Variants in GPC5 observed in about 807,000 individuals in gnomAD.
The protein encoded by GPC5 is glypican-5.
A neutral mutation model predicts 53.9 loss-of-function variants in GPC5; 47 were observed. That is an observed-to-expected ratio of 0.87 (90% CI 0.69 to 1.11). The LOEUF is 1.11. Among genes scored for constraint, GPC5 ranks in the 50% most tolerant of loss-of-function variants. The pLI is 0.00. For missense variants in GPC5, 748 were observed against 713.1 expected (o/e 1.05, Z -0.56); for synonymous variants, 286 against 263.3 (o/e 1.09, Z -0.84).
intron 7 of GPC5, among the ~76,000 whole-genome samples, chr13:92,714,009 G>T (rs7990219): frequency 6.6e-6 from 1 of 152,116 alleles, no homozygotes. Flanking sequence ...AATGACTTCT[G>T]TCTTCCCAGT....
At chr13:91,650,541 CA>C (rs1487523845) in intron 2 of GPC5, among the ~76,000 whole-genome samples, 1 of 134,422 alleles carries the variant, frequency 7.4e-6, no homozygotes, top group African/African-American at 4.0e-5. Context: ...AAAATGAAAA[CA>C]AAACAAGATG....
intron 5 of GPC5, among the ~76,000 whole-genome samples, chr13:91,872,891 A>G (rs2039163004): frequency 6.6e-6 from 1 of 152,196 alleles, no homozygotes; most frequent in African/African-American, 2.4e-5. Context: ...AAGAACAAAG[A>G]AGGAAACTTA....
intron 6 of GPC5, among the ~76,000 whole-genome samples, chr13:92,120,474 G>A (rs1350974835): frequency 6.6e-6 from 1 of 151,978 alleles, no homozygotes; most frequent in Non-Finnish European, 1.5e-5. Flanking sequence ...TAGCCAAGCT[G>A]GTCTCAAACT....
intron 7 of GPC5, among the ~76,000 whole-genome samples, chr13:92,392,624 G>A (rs1449266361): frequency 6.6e-6 from 1 of 152,078 alleles, no homozygotes; most frequent in Non-Finnish European, 1.5e-5. Flanking sequence ...ACAACCTACA[G>A]AATAGGAGAA....
chr13:91,573,541 A>G (rs16946226), intron 2 of GPC5, among the ~76,000 whole-genome samples: 7,283 of 152,236 alleles, frequency 0.048, 564 homozygotes, highest in African/African-American at 0.16. Context: ...CACTATGTGA[A>G]ATGCCTCTTA....
intron 5 of GPC5, among the ~76,000 whole-genome samples, chr13:91,883,735 A>G (rs1341915777): frequency 6.6e-6 from 1 of 152,180 alleles, no homozygotes; most frequent in Non-Finnish European, 1.5e-5. Context: ...AAGGACTTTG[A>G]CTGTTCCTCA....
At chr13:92,608,885 G>A (rs1289151519) in intron 7 of GPC5, among the ~76,000 whole-genome samples, 1 of 152,148 alleles carries the variant, frequency 6.6e-6, no homozygotes, top group Non-Finnish European at 1.5e-5. Context: ...GGGCAACTGT[G>A]CTATTCTAAA....
At chr13:92,757,908 G>A (rs1214235899) in intron 7 of GPC5, among the ~76,000 whole-genome samples, 1 of 151,382 alleles carries the variant, frequency 6.6e-6, no homozygotes, top group Non-Finnish European at 1.5e-5. Flanking sequence ...TTCAACCATT[G>A]TGGAAGTCAG....
At chr13:92,557,003 T>C (rs1290537145) in intron 7 of GPC5, among the ~76,000 whole-genome samples, 1 of 151,936 alleles carries the variant, frequency 6.6e-6, no homozygotes, top group East Asian at 1.9e-4. Context: ...GGGAATGTTT[T>C]AATCTTTGCA....
chr13:92,463,271 G>C (rs2139412755), intron 7 of GPC5, among the ~76,000 whole-genome samples: 1 of 152,336 alleles, frequency 6.6e-6, no homozygotes, highest in South Asian at 2.1e-4. Context: ...CACTGGCTCT[G>C]ATGCAGTTTC....
chr13:91,939,973 C>A (rs1403754471), intron 6 of GPC5, among the ~76,000 whole-genome samples: 1 of 152,120 alleles, frequency 6.6e-6, no homozygotes, highest in Non-Finnish European at 1.5e-5. Flanking sequence ...TCTTTTAATG[C>A]TTACATGGCC....
At chr13:91,494,043 T>A (rs1884095159) in intron 2 of GPC5, among the ~76,000 whole-genome samples, 1 of 151,704 alleles carries the variant, frequency 6.6e-6, no homozygotes, top group South Asian at 2.1e-4. Flanking sequence ...CCGGCTAATT[T>A]TTTTTTTATT....
intron 2 of GPC5, among the ~76,000 whole-genome samples, chr13:91,682,806 C>T (rs544044662): frequency 6.6e-6 from 1 of 152,324 alleles, no homozygotes; most frequent in Non-Finnish European, 1.5e-5. Context: ...GACACGATTG[C>T]ATCTACTTTA....
chr13:91,944,752 T>G (rs1430991956), intron 6 of GPC5, among the ~76,000 whole-genome samples: 2 of 152,346 alleles, frequency 1.3e-5, no homozygotes, highest in Non-Finnish European at 2.9e-5. Context: ...GGTAAATCTC[T>G]TAATAAGAAC....
intron 2 of GPC5, among the ~76,000 whole-genome samples, chr13:91,470,032 C>T (rs1882510912): frequency 1.3e-5 from 2 of 152,056 alleles, no homozygotes; most frequent in African/African-American, 2.4e-5. Flanking sequence ...GAGTGAGATC[C>T]TGTCTCAAAA....
At chr13:91,891,395 G>A (rs1181886904) in intron 5 of GPC5, among the ~76,000 whole-genome samples, 3 of 152,048 alleles carry the variant, frequency 2.0e-5, no homozygotes, top group Non-Finnish European at 4.4e-5. Flanking sequence ...GATGTTCTTT[G>A]CATGTTCTTG....
intron 7 of GPC5, among the ~76,000 whole-genome samples, chr13:92,596,497 CAG>C (rs1290684269): frequency 1.3e-5 from 2 of 151,270 alleles, no homozygotes; most frequent in African/African-American, 4.9e-5. Flanking sequence ...TATTTTGAGA[CAG>C]AGTCTCACTC....
At chr13:91,404,297 G>A (rs1048529321) in intron 1 of GPC5, among the ~76,000 whole-genome samples, 6 of 152,172 alleles carry the variant, frequency 3.9e-5, no homozygotes, top group African/African-American at 1.4e-4. Flanking sequence ...TAGATGAATG[G>A]TCTCTTGGTA....
At chr13:91,580,903 T>C (rs1451378172) in intron 2 of GPC5, among the ~76,000 whole-genome samples, 1 of 152,256 alleles carries the variant, frequency 6.6e-6, no homozygotes, top group Non-Finnish European at 1.5e-5. Context: ...AGAAGTTTAA[T>C]TGGTTCACAG....
Sources: gnomAD v4.1 joint callset for allele counts (sites outside exome capture counted in the v4.1 genomes callset) on GRCh38, gnomAD v4.1.1 for gene constraint, MANE v1.5 for transcripts, NCBI Gene and HGNC (gene_info 2026-07-23, HGNC 2026-07-21) for gene names.